The following SELENOW variants were observed in gnomAD, a reference collection of about 807,000 sequenced individuals.
SELENOW encodes selenoprotein W.
A neutral mutation model predicts 16.6 loss-of-function variants in SELENOW; 20 were observed. That is an observed-to-expected ratio of 1.21 (90% confidence interval 0.85 to 1.76). The LOEUF is 1.76. SELENOW is among the 40% of genes most tolerant of loss of function. The pLI is 0.00. For synonymous variants in SELENOW, 44 were observed against 46.2 expected (o/e 0.95, Z 0.19); for missense variants, 124 against 111.0 (o/e 1.12, Z -0.53).
chr19:47,778,940 A>G (rs1363454876), intron 1 of SELENOW, 126 bp downstream of exon 1: 27 of 938,976 alleles, frequency 2.9e-5, no homozygotes, highest in Non-Finnish European at 3.1e-5. Context: ...GAGCCCCTGT[A>G]TGTGGGTGGG....
intron 1 of SELENOW, chr19:47,780,487 T>G: frequency 1.7e-6 from 1 of 573,682 alleles, no homozygotes; most frequent in Non-Finnish European, 3.1e-6. Flanking sequence ...TTTCTGTGTG[T>G]CTCTGTGTGT....
chr19:47,778,877 G>C (rs939165698), intron 1 of SELENOW, 63 bp downstream of exon 1: 1 of 1,527,740 alleles, frequency 6.5e-7, no homozygotes, highest in African/African-American at 1.4e-5. Context: ...CTCGGAGCCG[G>C]GGTCAGGGAG....
chr19:47,781,160 G>A lies in SELENOW; in HGVS notation c.161G>A (p.Gly54Glu), dbSNP rs1167286001. 3 of 1,613,750 alleles carry A rather than the reference G, an allele frequency of 1.9e-6. No individual in the cohort carries two copies. The highest frequency in any genetic ancestry group is 2.7e-5 in the African/African-American group (2 of 74,900). The change falls in exon 4 of 6, where the codon GGG becomes GAG. Residue 54 changes from glycine (G) to glutamate (E), a missense_variant. Physicochemically the swap from Gly to Glu is moderately conservative, Grantham distance 98. Coordinates refer to ENST00000601048, the MANE Select transcript of SELENOW (RefSeq NM_003009.4). The stretch of plus-strand genomic sequence containing the variant: ...GGGTTCTTTGAAGTGATGGTAGCCG[G>A]GAAGTTGATTCACTCTAAGAAGGTA... ...ATGFFEVMVA[G>E]KLIHSKKKGD...
chr19:47,779,092 C>T (rs1967442132), intron 1 of SELENOW: 2 of 494,414 alleles, frequency 4.0e-6, no homozygotes, highest in Admixed American at 3.8e-5. Flanking sequence ...CTCCGGGGCT[C>T]CGCTGGGGAA....
At position 47,781,166 on chromosome 19, in the gene SELENOW, T is replaced by TGATTCAC. The variant is rs1459744405; in HGVS notation, c.168_174dup (p.Ser59AspfsTer?). ...TTTGAAGTGATGGTAGCCGGGAAGT[T>TGATTCAC]GATTCACTCTAAGAAGGTATGTCTG... On this transcript the variant is annotated frameshift_variant, in exon 4 of 6. Coordinates refer to ENST00000601048, the MANE Select transcript of SELENOW (RefSeq NM_003009.4). LOFTEE classifies it high-confidence loss of function. 1.2e-6 allele frequency: 2 copies of TGATTCAC among 1,613,554 alleles called. No homozygotes were observed. The highest frequency in any genetic ancestry group is 1.7e-6 in the Non-Finnish European group (2 of 1,179,756).
chr19:47,780,999 A>G lies in SELENOW; in HGVS notation c.108+82A>G, dbSNP rs775043007. On this transcript the variant is annotated intron_variant, in intron 3 of 5. Transcript: ENST00000601048. The stretch of plus-strand genomic sequence containing the variant: ...GCCTGGATGGCACTGCAGGGGGGTT[A>G]GGTCAGCCCTACGCCCTTCACCCAT... 8.3e-6 allele frequency: 13 copies of G among 1,560,804 alleles called. No homozygotes were observed. The Admixed American group carries it at 1.3e-4, about 16-fold the overall frequency.
chr19:47,781,046 G>A, intron 3 of SELENOW, 62 bp from the exon 4 acceptor site: 2 of 1,573,094 alleles, frequency 1.3e-6, no homozygotes, highest in Non-Finnish European at 1.8e-6. Flanking sequence ...CCTGGGAAGG[G>A]GAGGGTCTCC....
At chr19:47,782,487 T>C (rs1471209533) in intron 5 of SELENOW, 3 of 152,218 alleles carry the variant, frequency 2.0e-5, no homozygotes, top group Non-Finnish European at 2.9e-5. Context: ...AGCACTAGAA[T>C]TGACCACTAG....
intron 1 of SELENOW, 75 bp downstream of exon 1, chr19:47,778,889 C>G: frequency 4.1e-6 from 6 of 1,475,384 alleles, no homozygotes; most frequent in Non-Finnish European, 5.5e-6. Context: ...GTCAGGGAGC[C>G]CCGGGGAGAG....
Position 47,781,130 on chromosome 19 carries a change from C to T in SELENOW, c.131C>T (p.Ala44Val). 1 of 1,613,814 alleles carries T rather than the reference C, an allele frequency of 6.2e-7. No individual in the cohort carries two copies. Among genetic ancestry groups the T allele is most frequent in the Non-Finnish European group, 8.5e-7 (1 of 1,179,818 alleles). ...LDICGEGTPQATGFFEVMVAG... is the reference protein window; with the variant it reads ...LDICGEGTPQVTGFFEVMVAG... ...CAGTGCGGCGAGGGAACTCCCCAGG[C>T]CACCGGGTTCTTTGAAGTGATGGTA... The change falls in exon 4 of 6, where the codon GCC becomes GTC. Residue 44 changes from alanine (A) to valine (V), a missense_variant. Physicochemically the swap from Ala to Val is moderately conservative, Grantham distance 64. Transcript: ENST00000601048.
rs1246582783 is a variant in SELENOW at position 47,780,709 on chromosome 19, T to G, written c.30-16T>G. ...CTCTCTCCCCTGGGCCCCAATGTCT[T>G]GGACTCTCCTACCAGTGGCGCTTGA... On this transcript the variant is annotated splice_polypyrimidine_tract_variant and intron_variant, in intron 1 of 5. Coordinates refer to ENST00000601048, the MANE Select transcript of SELENOW (RefSeq NM_003009.4). The G allele has an allele frequency of 1.3e-6, 2 of 1,555,650 alleles. No homozygotes were observed. The highest frequency in any genetic ancestry group is 2.4e-5 in the South Asian group (2 of 84,422).
At chr19:47,781,525 T>C in intron 5 of SELENOW, 137 bp downstream of exon 5, 1 of 625,850 alleles carries the variant, frequency 1.6e-6, no homozygotes, top group East Asian at 2.7e-5. Flanking sequence ...CGGGATAAAG[T>C]TAGACCCGGT....
Position 47,778,755 on chromosome 19 carries a change from C to G in SELENOW, c.-31C>G, listed in dbSNP as rs780068873. 6 of 1,596,496 alleles carry G rather than the reference C, an allele frequency of 3.8e-6. No homozygotes were observed. The highest frequency in any genetic ancestry group is 3.4e-6 in the Non-Finnish European group (4 of 1,172,618). ...GGGAGGTTAGTGTGGCCCGGGCGTCCGCTCCTCAGCGGATGTGGCAGCCCC... is the reference window on the plus strand; with the variant it reads ...GGGAGGTTAGTGTGGCCCGGGCGTCGGCTCCTCAGCGGATGTGGCAGCCCC... On this transcript the variant is annotated 5_prime_UTR_variant, in exon 1 of 6. Transcript: ENST00000601048.
In SELENOW at chr19:47,781,134, C is replaced by T. The variant is rs754534655; in HGVS notation, c.135C>T (p.Thr45=). 26 of 1,613,696 alleles carry T rather than the reference C, an allele frequency of 1.6e-5. No individual in the cohort carries two copies. Among genetic ancestry groups the T allele is most frequent in the East Asian group, 6.7e-5 (3 of 44,840 alleles). The change falls in exon 4 of 6, where the codon ACC becomes ACT. Residue 45 remains threonine (T), a synonymous_variant. Coordinates refer to ENST00000601048, the MANE Select transcript of SELENOW (RefSeq NM_003009.4). ...GCGGCGAGGGAACTCCCCAGGCCAC[C>T]GGGTTCTTTGAAGTGATGGTAGCCG... ...DICGEGTPQA[T]GFFEVMVAGK...
At chr19:47,780,839 C>G in intron 2 of SELENOW, 25 bp from the exon 3 acceptor site, 1 of 1,611,482 alleles carries the variant, frequency 6.2e-7, no homozygotes. Flanking sequence ...ATGACCCCTG[C>G]TGTGACCTCT....
At chr19:47,780,827 G>T (rs1017773806) in intron 2 of SELENOW, 37 bp from the exon 3 acceptor site, 5 of 1,609,202 alleles carry the variant, frequency 3.1e-6, no homozygotes, top group Non-Finnish European at 4.2e-6. Flanking sequence ...GGGCTGACTG[G>T]TATGACCCCT....
At chr19:47,779,674 T>C (rs534413980) in intron 1 of SELENOW, 1 of 152,564 alleles carries the variant, frequency 6.6e-6, no homozygotes, top group African/African-American at 2.4e-5. Flanking sequence ...CCGGGCATGG[T>C]GGCGCACTCC....
In SELENOW at chr19:47,784,526, C is replaced by T. The variant is rs938936938; in HGVS notation, c.*255C>T. 5 of 152,274 alleles carry T rather than the reference C, an allele frequency of 3.3e-5. No individual in the cohort carries two copies. Among genetic ancestry groups the T allele is most frequent in the African/African-American group, 1.2e-4 (5 of 41,446 alleles). 9.4% of individuals were successfully genotyped at this position (152,274 alleles called of 1,614,324 possible). A position where few individuals can be genotyped will look rare whatever the true frequency, so the allele number is the denominator to read the frequency against. On this transcript the variant is annotated 3_prime_UTR_variant, in exon 6 of 6. Transcript: ENST00000601048. Reference sequence around the variant, plus strand: ...TTTCATCATATCTCTTTGCATACCCCATGTCTTCCCCAGTTGTCCCCTGGA... The same window carrying T: ...TTTCATCATATCTCTTTGCATACCCTATGTCTTCCCCAGTTGTCCCCTGGA...
intron 1 of SELENOW, 34 bp from the exon 2 acceptor site, chr19:47,780,691 C>T (rs1217205556): frequency 1.3e-6 from 2 of 1,551,964 alleles, no homozygotes; most frequent in South Asian, 2.4e-5. Context: ...TCCCTCTCTC[C>T]CCTGGGCCCC....
Sources: gnomAD v4.1 joint callset for allele counts on GRCh38, gnomAD v4.1.1 for gene constraint, MANE v1.5 for transcripts, NCBI Gene and HGNC (gene_info 2026-07-23, HGNC 2026-07-21) for gene names.